DCAF8L2: variants seen among roughly 807,000 people sequenced by gnomAD.
DCAF8L2 encodes DDB1 and CUL4 associated factor 8 like 2.
For synonymous variants in DCAF8L2, 200 were observed against 190.9 expected, an observed-to-expected ratio of 1.05 and a Z score of -0.39; for missense variants, 430 against 490.7, an observed-to-expected ratio of 0.88 and a Z score of 1.17.
At chrX:27,669,154 G>C (rs184672037) in intron 2 of DCAF8L2, among the ~76,000 whole-genome samples, 37 of 111,453 alleles carry the variant, frequency 3.3e-4, no homozygotes, top group Non-Finnish European at 3.2e-4. Context: ...TAATATTCAT[G>C]TTGCCTCACT....
the DCAF8L2 span, among the ~76,000 whole-genome samples, chrX:27,583,932 A>AT: frequency 9.0e-6 from 1 of 111,383 alleles, no homozygotes; most frequent in Non-Finnish European, 1.9e-5. Context: ...ATTTTTAAAT[A>AT]TTTTGTCCCT....
At chrX:27,659,909 T>G (rs1929494022) in intron 2 of DCAF8L2, among the ~76,000 whole-genome samples, 1 of 111,863 alleles carries the variant, frequency 8.9e-6, no homozygotes, top group African/African-American at 3.3e-5. Flanking sequence ...TTGGATTTCT[T>G]TTCAGTCATT....
intron 3 of DCAF8L2, among the ~76,000 whole-genome samples, chrX:27,710,044 T>G (rs1454963309): frequency 9.0e-6 from 1 of 111,571 alleles, no homozygotes; most frequent in African/African-American, 3.3e-5. Context: ...TAAGGGCCTA[T>G]GCTCAATTAT....
chrX:27,482,765 C>T, the DCAF8L2 span, among the ~76,000 whole-genome samples: 2 of 111,301 alleles, frequency 1.8e-5, no homozygotes, highest in Non-Finnish European at 3.8e-5. Context: ...GATAAATTCA[C>T]GTCATTTTCA....
chrX:27,699,251 T>G (rs1255750245), intron 3 of DCAF8L2, among the ~76,000 whole-genome samples: 1 of 111,673 alleles, frequency 9.0e-6, no homozygotes, highest in Non-Finnish European at 1.9e-5. Context: ...AGGGACCACG[T>G]GGATATTTGC....
chrX:27,556,213 A>G, the DCAF8L2 span, among the ~76,000 whole-genome samples: 1 of 111,195 alleles, frequency 9.0e-6, no homozygotes, highest in Non-Finnish European at 1.9e-5. Context: ...CTTTTATTAT[A>G]GCTTAATAAT....
the DCAF8L2 span, among the ~76,000 whole-genome samples, chrX:27,540,559 G>T: frequency 8.9e-6 from 1 of 111,883 alleles, no homozygotes; most frequent in Non-Finnish European, 1.9e-5. Context: ...GGTTACTAGA[G>T]GCTAAGAAGG....
intron 2 of DCAF8L2, among the ~76,000 whole-genome samples, chrX:27,646,055 GA>G (rs977023886): frequency 3.6e-5 from 4 of 110,919 alleles, no homozygotes; most frequent in African/African-American, 1.3e-4. Flanking sequence ...CACAGAATTA[GA>G]AAAAAAAGTT....
intron 4 of DCAF8L2, among the ~76,000 whole-genome samples, chrX:27,730,317 T>C (rs774726613): frequency 4.5e-5 from 5 of 112,355 alleles, no homozygotes; most frequent in African/African-American, 1.6e-4. Context: ...ACATGAGATC[T>C]ACCCTTAACA....
upstream of DCAF8L2, among the ~76,000 whole-genome samples, chrX:27,586,486 G>T (rs937102572): frequency 9.0e-6 from 1 of 111,226 alleles, no homozygotes; most frequent in African/African-American, 3.3e-5. Context: ...TAATGGTATG[G>T]TTTATTCACT....
At chrX:27,582,235 C>A in the DCAF8L2 span, among the ~76,000 whole-genome samples, 2 of 111,700 alleles carry the variant, frequency 1.8e-5, no homozygotes, top group African/African-American at 6.5e-5. Context: ...TCTCATCTAG[C>A]TTTTCCTAAA....
chrX:27,547,670 G>A, the DCAF8L2 span, among the ~76,000 whole-genome samples: 25 of 110,861 alleles, frequency 2.3e-4, no homozygotes, highest in South Asian at 7.7e-4. Flanking sequence ...AAAATCGGGA[G>A]AACAACATGG....
chrX:27,474,227 A>T, the DCAF8L2 span, among the ~76,000 whole-genome samples: 1 of 112,405 alleles, frequency 8.9e-6, no homozygotes, highest in Admixed American at 9.5e-5. Context: ...AATGAAAATT[A>T]AAAAGTACAT....
At chrX:27,675,220 C>T (rs1930100214) in intron 2 of DCAF8L2, among the ~76,000 whole-genome samples, 3 of 111,314 alleles carry the variant, frequency 2.7e-5, no homozygotes, top group Non-Finnish European at 5.7e-5. Context: ...CATAAACTGT[C>T]CCCCATCTCT....
At chrX:27,594,462 C>G (rs1309707297) in intron 1 of DCAF8L2, among the ~76,000 whole-genome samples, 1 of 111,191 alleles carries the variant, frequency 9.0e-6, no homozygotes, top group African/African-American at 3.3e-5. Flanking sequence ...TATATACGTA[C>G]AGACTCTCAC....
At chrX:27,585,207 G>T in the DCAF8L2 span, among the ~76,000 whole-genome samples, 1 of 110,592 alleles carries the variant, frequency 9.0e-6, no homozygotes, top group East Asian at 2.8e-4. Flanking sequence ...TCTCATAATA[G>T]CCCCCCATAA....
At chrX:27,640,949 C>T (rs1482698302) in intron 2 of DCAF8L2, among the ~76,000 whole-genome samples, 1 of 111,360 alleles carries the variant, frequency 9.0e-6, no homozygotes, top group African/African-American at 3.3e-5. Flanking sequence ...TAACAGTCTG[C>T]CTTCAATTAA....
the DCAF8L2 span, among the ~76,000 whole-genome samples, chrX:27,478,540 A>G: frequency 8.9e-6 from 1 of 112,253 alleles, no homozygotes; most frequent in African/African-American, 3.2e-5. Flanking sequence ...GGACTTCTCA[A>G]AAGTAAAATT....
At chrX:27,599,812 TTCA>T (rs1449650544) in intron 1 of DCAF8L2, among the ~76,000 whole-genome samples, 1 of 111,721 alleles carries the variant, frequency 9.0e-6, no homozygotes, top group Non-Finnish European at 1.9e-5. Context: ...TATGAAACAA[TTCA>T]TTATTATACA....
Sources: gnomAD v4.1 joint callset for allele counts (sites outside exome capture counted in the v4.1 genomes callset) on GRCh38, gnomAD v4.1.1 for gene constraint, MANE v1.5 for transcripts, NCBI Gene and HGNC (gene_info 2026-07-23, HGNC 2026-07-21) for gene names.